The following RIPOR3 variants were observed in gnomAD, a reference collection of about 807,000 sequenced individuals.
RIPOR3 encodes the protein RIPOR family member 3, also known as family with sequence similarity 65 member C.
RIPOR3 carries 95 observed loss-of-function variants against 114.3 expected under a neutral mutation model. The observed-to-expected ratio is 0.83, with a 90% CI of 0.70 to 0.99. The LOEUF (loss-of-function observed/expected upper bound fraction) is 0.99. Among genes scored for constraint, RIPOR3 ranks in the 50% least tolerant of loss-of-function variants. The pLI is 0.00. For synonymous variants in RIPOR3, 575 were observed against 543.8 expected (o/e 1.06, Z -0.80); for missense variants, 1,252 against 1,266.9 (o/e 0.99, Z 0.18).
At chr20:50,595,185 C>T (rs966482665) in intron 16 of RIPOR3, 184 bp downstream of exon 16, 2 of 726,912 alleles carry the variant, frequency 2.8e-6, no homozygotes, top group Non-Finnish European at 4.6e-6. Flanking sequence ...TGCTGCAACT[C>T]CAGGACTTGT....
chr20:50,627,039 C>A (rs1266275562), intron 2 of RIPOR3, among the ~76,000 whole-genome samples: 1 of 147,146 alleles, frequency 6.8e-6, no homozygotes, highest in Non-Finnish European at 1.5e-5. Flanking sequence ...AAAAAATAGC[C>A]AGTGTGGTGG....
Position 50,586,115 on chromosome 20 carries a change from TA to T in RIPOR3, c.*1116del, listed in dbSNP as rs1265681089. The T allele has an allele frequency of 1.3e-5, 2 of 159,304 alleles. No individual in the cohort carries two copies. The highest frequency in any genetic ancestry group is 4.8e-5 in the African/African-American group (2 of 41,638). 9.9% of individuals were successfully genotyped at this position (159,304 alleles called of 1,614,324 possible). ...AACAACTGCTGTCTACTCTTTTGGG[TA>T]AAAAGTGAAACACCAATAGTTTAAT... On this transcript the variant is annotated 3_prime_UTR_variant, in exon 22 of 22. Transcript: ENST00000327979.
chr20:50,633,586 G>A (rs1034559740), intron 1 of RIPOR3, among the ~76,000 whole-genome samples: 17 of 152,066 alleles, frequency 1.1e-4, no homozygotes, highest in Admixed American at 9.2e-4. Context: ...ACGTACTCCG[G>A]AGCCAGCCTG....
intron 1 of RIPOR3, among the ~76,000 whole-genome samples, chr20:50,663,115 A>G (rs2123466290): frequency 6.6e-6 from 1 of 151,482 alleles, no homozygotes; most frequent in South Asian, 2.1e-4. Flanking sequence ...AAAAAAAAAA[A>G]AGTTTTCAAA....
chr20:50,604,931 G>A (rs1420324111), intron 11 of RIPOR3, among the ~76,000 whole-genome samples, 157 bp from the exon 12 acceptor site: 6 of 152,102 alleles, frequency 3.9e-5, no homozygotes, highest in African/African-American at 1.4e-4. Flanking sequence ...CTAAACTGTT[G>A]CTTGTTTTTG....
intron 19 of RIPOR3, among the ~76,000 whole-genome samples, chr20:50,590,361 C>T (rs2083070652): frequency 6.6e-6 from 1 of 152,234 alleles, no homozygotes; most frequent in Non-Finnish European, 1.5e-5. Flanking sequence ...TATGCCCGGC[C>T]CGCAGTGGAG....
chr20:50,620,849 G>T (rs2084374674), intron 2 of RIPOR3: 2 of 798,848 alleles, frequency 2.5e-6, no homozygotes, highest in African/African-American at 1.7e-5. Flanking sequence ...CCGCTGCAGT[G>T]GGTGTCTGAC....
Position 50,602,627 on chromosome 20 carries a change from T to C in RIPOR3, c.1104A>G (p.Pro368=). The C allele has an allele frequency of 6.6e-7, 1 of 1,504,844 alleles. No homozygotes were observed. Among genetic ancestry groups the C allele is most frequent in the Non-Finnish European group, 8.9e-7 (1 of 1,127,148 alleles). 93.2% of individuals were successfully genotyped at this position (1,504,844 alleles called of 1,614,324 possible). A position where few individuals can be genotyped will look rare whatever the true frequency, so the allele number is the denominator to read the frequency against. Residue 368 remains proline (P), a synonymous_variant, in exon 13 of 22, where the codon CCA becomes CCG. Coordinates refer to ENST00000327979, the MANE Select transcript of RIPOR3 (RefSeq NM_001290268.2). This position sits in a 1 kb window ranked among gnomAD's most constrained non-coding sequence, Gnocchi z 4.3. ...CACCCAGCAGCAAGGCCTGCTGTGT[T>C]GGCTGCTGTAGGACAGACTGGAGAG... The part of the protein sequence containing the change: ...ERYYLSVLQQ[P]TQQALLLGGP...
At chr20:50,677,777 C>G (rs1253745190) in intron 1 of RIPOR3, among the ~76,000 whole-genome samples, 1 of 151,184 alleles carries the variant, frequency 6.6e-6, no homozygotes, top group African/African-American at 2.4e-5. Flanking sequence ...TCAAGTGATT[C>G]TCCTGCCTCA....
chr20:50,647,894 G>T (rs964984447), intron 1 of RIPOR3, among the ~76,000 whole-genome samples: 1 of 152,098 alleles, frequency 6.6e-6, no homozygotes, highest in South Asian at 2.1e-4. Context: ...TTTCAGTTGC[G>T]AGGACTTGCT....
chr20:50,641,317 C>G (rs1180585646), intron 1 of RIPOR3, among the ~76,000 whole-genome samples: 1 of 152,146 alleles, frequency 6.6e-6, no homozygotes, highest in African/African-American at 2.4e-5. Context: ...TGGGTTCAAG[C>G]GATCCTCCCA....
At chr20:50,605,634 TGTG>T (rs1285177283) in intron 11 of RIPOR3, among the ~76,000 whole-genome samples, 3 of 151,562 alleles carry the variant, frequency 2.0e-5, no homozygotes, top group African/African-American at 7.3e-5. Flanking sequence ...GCTGGGCTAA[TGTG>T]GTGACCAACA....
At chr20:50,677,168 G>A (rs2086700814) in intron 1 of RIPOR3, among the ~76,000 whole-genome samples, 1 of 151,940 alleles carries the variant, frequency 6.6e-6, no homozygotes, top group Admixed American at 6.6e-5. Context: ...CAAGGCCCTG[G>A]GAATTCGGAC....
intron 1 of RIPOR3, among the ~76,000 whole-genome samples, chr20:50,680,980 T>C (rs1213954339): frequency 1.3e-5 from 2 of 151,934 alleles, no homozygotes; most frequent in African/African-American, 4.8e-5. Context: ...TCCCAGGACT[T>C]TGGGGGGCTA....
intron 2 of RIPOR3, among the ~76,000 whole-genome samples, chr20:50,629,840 G>T (rs2084755659): frequency 6.6e-6 from 1 of 152,208 alleles, no homozygotes; most frequent in African/African-American, 2.4e-5. Flanking sequence ...TAGTCTTCCA[G>T]ACAGGAAGAA....
chr20:50,630,447 C>A (rs763551580), intron 2 of RIPOR3, among the ~76,000 whole-genome samples: 3 of 152,144 alleles, frequency 2.0e-5, no homozygotes, highest in Admixed American at 1.3e-4. Context: ...GCCAAGTGGA[C>A]CTGCTAAGCT....
chr20:50,680,292 C>T (rs945090458), intron 1 of RIPOR3, among the ~76,000 whole-genome samples: 98 of 152,186 alleles, frequency 6.4e-4, no homozygotes, highest in African/African-American at 2.4e-3. Flanking sequence ...TTCCTGGAGT[C>T]ATGACAAGGA....
rs572573066 is a variant in RIPOR3 at position 50,691,451 on chromosome 20, C to T, written c.-323G>A. The T allele has an allele frequency of 1.2e-4, 27 of 220,790 alleles. No homozygotes were observed. Among genetic ancestry groups the T allele is most frequent in the Non-Finnish European group, 1.9e-4 (21 of 107,810 alleles). 13.7% of individuals were successfully genotyped at this position (220,790 alleles called of 1,614,324 possible). Reference sequence around the variant, plus strand: ...CATGGAGCTGGGGTTCCAGGAAGCCCTCCTGGGGCCCCCCAGCCGGCCCCG... The same window carrying T: ...CATGGAGCTGGGGTTCCAGGAAGCCTTCCTGGGGCCCCCCAGCCGGCCCCG... On this transcript the variant is annotated 5_prime_UTR_variant, in exon 1 of 22. Coordinates refer to ENST00000327979, the MANE Select transcript of RIPOR3 (RefSeq NM_001290268.2).
At position 50,610,906 on chromosome 20, in the gene RIPOR3, G is replaced by T; in HGVS notation, c.373C>A (p.Gln125Lys). 6.2e-7 allele frequency: 1 copy of T among 1,614,204 alleles called. No individual in the cohort carries two copies. The highest frequency in any genetic ancestry group is 1.1e-5 in the South Asian group (1 of 91,084). ...ATGTGCCTTTCCACACAGCGCGTTT[G>T]CTTCTCCCGGAAAAAGGGAAGATGT... The part of the protein sequence containing the change: ...RLAFYYDLDK[Q>K]TRCVERHIRK... Residue 125 changes from glutamine to lysine, a missense_variant and splice_region_variant, in exon 6 of 22, where the codon CAA (glutamine) becomes AAA (lysine). Physicochemically the swap from Gln to Lys is moderately conservative, Grantham distance 53. Coordinates refer to ENST00000327979, the MANE Select transcript of RIPOR3 (RefSeq NM_001290268.2).
Sources: gnomAD v4.1 joint callset for allele counts (sites outside exome capture counted in the v4.1 genomes callset) on GRCh38, gnomAD v4.1.1 for gene constraint, Gnocchi (gnomAD v3.1) non-coding constraint, MANE v1.5 for transcripts, NCBI Gene and HGNC (gene_info 2026-07-23, HGNC 2026-07-21) for gene names.